Variants in EPN3 observed in about 807,000 individuals in gnomAD.
EPN3 encodes the protein epsin 3, also known as epsin-3.
In EPN3, 56 loss-of-function variants were observed where a neutral mutation model predicts 55.5. The observed-to-expected ratio is 1.01, with a 90% CI of 0.81 to 1.26. The LOEUF (loss-of-function observed/expected upper bound fraction) is 1.26, where lower values mean the gene tolerates loss of function less well. Among genes scored for constraint, EPN3 ranks in the 50% most tolerant of loss-of-function variants. The pLI is 0.00. For missense variants in EPN3, 927 were observed against 853.4 expected (o/e 1.09, Z -1.07); for synonymous variants, 449 against 375.2 (o/e 1.20, Z -2.27).
At chr17:50,534,400 G>A in intron 1 of EPN3, 1 of 985,138 alleles carries the variant, frequency 1.0e-6, no homozygotes, top group Non-Finnish European at 1.2e-6. Context: ...GGTCCAGGTA[G>A]GGCTCTGGTG....
Position 50,539,284 on chromosome 17 carries a change from G to C in EPN3, c.860G>C (p.Arg287Thr). The C allele has an allele frequency of 6.2e-7, 1 of 1,614,226 alleles. No individual in the cohort carries two copies. The highest frequency in any genetic ancestry group is 8.5e-7 in the Non-Finnish European group (1 of 1,180,042). Residue 287 changes from arginine to threonine, a missense_variant, in exon 5 of 10, where the codon AGA becomes ACA. By Grantham distance (71) the Arg-to-Thr change is moderately conservative. Coordinates refer to ENST00000268933, the MANE Select transcript of EPN3 (RefSeq NM_017957.3). ...QRDREPEREE[R>T]KEEEKLKTSQ... Reference sequence around the variant, plus strand: ...GACAGAGAGCCTGAGAGAGAAGAGAGAAAGGAGGAGGAGAAGCTAAAAACC... The same window carrying C: ...GACAGAGAGCCTGAGAGAGAAGAGACAAAGGAGGAGGAGAAGCTAAAAACC...
In EPN3 at chr17:50,539,228, T is replaced by C; in HGVS notation, c.804T>C (p.Asn268=). ...SWQGDGSPMA[N]GAGAVVHHQR... ...AGGGTGATGGCTCCCCCATGGCCAA[T>C]GGTGCAGGGGCCGTGGTCCACCATC... The change falls in exon 5 of 10, where the codon AAT becomes AAC. Residue 268 remains asparagine, a synonymous_variant. Coordinates refer to ENST00000268933, the MANE Select transcript of EPN3 (RefSeq NM_017957.3). 2.5e-6 allele frequency: 4 copies of C among 1,614,122 alleles called. No homozygotes were observed. Among genetic ancestry groups the C allele is most frequent in the South Asian group, 1.1e-5 (1 of 91,078 alleles).
At position 50,536,846 on chromosome 17, in the gene EPN3, G is replaced by A. The variant is rs758457858; in HGVS notation, c.290G>A (p.Arg97His). The change falls in exon 2 of 10, where the codon CGC becomes CAC. Residue 97 changes from arginine to histidine, a missense_variant. Coordinates refer to ENST00000268933, the MANE Select transcript of EPN3 (RefSeq NM_017957.3). ...TGSERVAHQC[R>H]ENLYTIQTLK... ...TCCGAGCGGGTGGCCCACCAGTGCC[G>A]CGAGAACCTCTACACCATCCAGACA... The A allele has an allele frequency of 6.2e-6, 10 of 1,614,020 alleles. No individual in the cohort carries two copies. Among genetic ancestry groups the A allele is most frequent in the South Asian group, 5.5e-5 (5 of 91,076 alleles).
rs2144034954 is a variant in EPN3, at chr17:50,538,965, G to T, written c.762+1G>T. On this transcript the variant is annotated splice_donor_variant, in intron 4 of 9. Coordinates refer to ENST00000268933, the MANE Select transcript of EPN3 (RefSeq NM_017957.3). LOFTEE classifies it high-confidence loss of function. Reference sequence around the variant, plus strand: ...CCTGAGCCGGCAGGAGCACGAGAAGGTAGTGGGCCGAGCCCGCTGGGCTGC... The same window carrying T: ...CCTGAGCCGGCAGGAGCACGAGAAGTTAGTGGGCCGAGCCCGCTGGGCTGC... The T allele has an allele frequency of 2.5e-6, 4 of 1,600,000 alleles. No individual in the cohort carries two copies. Among genetic ancestry groups the T allele is most frequent in the Non-Finnish European group, 3.4e-6 (4 of 1,172,270 alleles).
At chr17:50,536,107 T>C (rs769786010) in intron 1 of EPN3, 62 of 188,534 alleles carry the variant, frequency 3.3e-4, no homozygotes, top group Middle Eastern at 2.4e-3. Context: ...TCCTCTTGCC[T>C]TGGCCTCCTG....
Position 50,540,808 on chromosome 17 carries a change from CAG to C in EPN3, c.998_999del (p.Glu333GlyfsTer38). 1 of 1,610,584 alleles carries C rather than the reference CAG, an allele frequency of 6.2e-7. No homozygotes were observed. Among genetic ancestry groups the C allele is most frequent in the Non-Finnish European group, 8.5e-7 (1 of 1,177,622 alleles). On this transcript the variant is annotated frameshift_variant, in exon 7 of 10. Coordinates refer to ENST00000268933, the MANE Select transcript of EPN3 (RefSeq NM_017957.3). LOFTEE classifies it high-confidence loss of function. ...CCCATTTCAGGTTTTAGGCCGAACA[CAG>C]AGGCCAGTGGATCCTCCTGGGGGCC...
intron 1 of EPN3, 71 bp from the exon 2 acceptor site, chr17:50,536,346 CATTT>C: frequency 3.6e-5 from 46 of 1,287,722 alleles, no homozygotes; most frequent in Non-Finnish European, 4.7e-5. Context: ...GGCCAGGCCT[CATTT>C]AGTTGGTCAG....
intron 4 of EPN3, 22 bp from the exon 5 acceptor site, chr17:50,539,161 CCTAA>C (rs1172193573): frequency 1.9e-6 from 3 of 1,612,980 alleles, no homozygotes; most frequent in Admixed American, 1.7e-5. Context: ...TGCTCATGCT[CCTAA>C]CTCTTTCTGT....
intron 4 of EPN3, 64 bp downstream of exon 4, chr17:50,539,028 C>T: frequency 1.6e-5 from 25 of 1,540,020 alleles, no homozygotes; most frequent in Non-Finnish European, 2.0e-5. Context: ...TGCTTCAGGG[C>T]ACTAACAGCC....
chr17:50,540,665 G>C (rs1290590274), intron 6 of EPN3, 128 bp from the exon 7 acceptor site: 1 of 1,273,168 alleles, frequency 7.9e-7, no homozygotes, highest in Non-Finnish European at 1.1e-6. Flanking sequence ...CTGCTGGGTG[G>C]TCCTGAGGCT....
At chr17:50,538,694 CT>C in intron 3 of EPN3, 189 bp from the exon 4 acceptor site, 1 of 514,758 alleles carries the variant, frequency 1.9e-6, no homozygotes, top group Non-Finnish European at 3.5e-6. Context: ...TCTTCCTGAC[CT>C]TTAAACTGCA....
Position 50,541,874 on chromosome 17 carries a change from T to C in EPN3, c.1616T>C (p.Phe539Ser), listed in dbSNP as rs917836066. The C allele has an allele frequency of 7.5e-6, 12 of 1,608,500 alleles. No individual in the cohort carries two copies. Among genetic ancestry groups the C allele is most frequent in the Non-Finnish European group, 1.0e-5 (12 of 1,179,958 alleles). The stretch of plus-strand genomic sequence containing the variant: ...AGCGCTCCGTCCCCCACCAACCCGT[T>C]CGGCGCGGGCGAGCCGGGCAGGCCG... ...GLSAPSPTNP[F>S]GAGEPGRPTL... Residue 539 changes from phenylalanine (F) to serine (S), a missense_variant, in exon 10 of 10, where the codon TTC (phenylalanine) becomes TCC (serine). By Grantham distance (155) the Phe-to-Ser change is radical (BLOSUM62 -2). Coordinates refer to ENST00000268933, the MANE Select transcript of EPN3 (RefSeq NM_017957.3).
intron 1 of EPN3, among the ~76,000 whole-genome samples, chr17:50,535,656 T>C (rs1373218767): frequency 6.6e-6 from 1 of 152,182 alleles, no homozygotes; most frequent in Admixed American, 6.5e-5. Context: ...CCTGTGCGGC[T>C]CTGCACTCCC....
chr17:50,536,820 C>A lies in EPN3; in HGVS notation c.264C>A (p.Gly88=). Residue 88 remains glycine, a synonymous_variant, in exon 2 of 10, where the codon GGC becomes GGA. Transcript: ENST00000268933. ...LTLLDYLLKT[G]SERVAHQCRE... is the part of the protein sequence containing the mutation. The stretch of plus-strand genomic sequence containing the variant: ...TGCTGGACTACCTGCTCAAGACGGG[C>A]TCCGAGCGGGTGGCCCACCAGTGCC... 2 of 1,614,152 alleles carry A rather than the reference C, an allele frequency of 1.2e-6. No individual in the cohort carries two copies. Among genetic ancestry groups the A allele is most frequent in the African/African-American group, 2.7e-5 (2 of 75,042 alleles).
Position 50,532,975 on chromosome 17 carries a change from C to T in EPN3, c.-147C>T, listed in dbSNP as rs1340098663. ...GGGCTGGGGCTGGGGCCGAGGGAGCCCGCACTGGAGGTAAGCTTCCTCCCT... is the reference window on the plus strand; with the variant it reads ...GGGCTGGGGCTGGGGCCGAGGGAGCTCGCACTGGAGGTAAGCTTCCTCCCT... On this transcript the variant is annotated 5_prime_UTR_variant, in exon 1 of 10. Transcript: ENST00000268933. 1 of 1,285,244 alleles carries T rather than the reference C, an allele frequency of 7.8e-7. No homozygotes were observed. Among genetic ancestry groups the T allele is most frequent in the Non-Finnish European group, 1.0e-6 (1 of 986,986 alleles). The allele number at this position is 1,285,244 out of a possible 1,614,324, so 79.6% of individuals were successfully genotyped here.
At chr17:50,535,792 C>A (rs2034750980) in intron 1 of EPN3, among the ~76,000 whole-genome samples, 1 of 152,166 alleles carries the variant, frequency 6.6e-6, no homozygotes, top group Non-Finnish European at 1.5e-5. Context: ...ATGCATCAAA[C>A]TACAAAAATT....
chr17:50,537,248 T>A, intron 2 of EPN3, 130 bp downstream of exon 2: 1 of 1,004,578 alleles, frequency 1.0e-6, no homozygotes, highest in Non-Finnish European at 1.4e-6. Context: ...ATAAGGAATG[T>A]AACACGCAAG....
chr17:50,539,091 C>T, intron 4 of EPN3, 96 bp from the exon 5 acceptor site: 1 of 1,569,226 alleles, frequency 6.4e-7, no homozygotes, highest in Non-Finnish European at 8.7e-7. Context: ...AGCTGCCTCC[C>T]ACCCTGCACT....
In EPN3 at chr17:50,538,968, G is replaced by A; in HGVS notation, c.762+4G>A. 2 of 1,598,920 alleles carry A rather than the reference G, an allele frequency of 1.3e-6. No individual in the cohort carries two copies. The highest frequency in any genetic ancestry group is 1.7e-6 in the Non-Finnish European group (2 of 1,171,696). On this transcript the variant is annotated splice_donor_region_variant and intron_variant, in intron 4 of 9. Coordinates refer to ENST00000268933, the MANE Select transcript of EPN3 (RefSeq NM_017957.3). ...GAGCCGGCAGGAGCACGAGAAGGTA[G>A]TGGGCCGAGCCCGCTGGGCTGCCGG...
Sources: gnomAD v4.1 joint callset for allele counts (sites outside exome capture counted in the v4.1 genomes callset) on GRCh38, gnomAD v4.1.1 for gene constraint, MANE v1.5 for transcripts, NCBI Gene and HGNC (gene_info 2026-07-23, HGNC 2026-07-21) for gene names.